The following POLR3E variants were observed in gnomAD, a reference collection of about 807,000 sequenced individuals.
The protein encoded by POLR3E is DNA-directed RNA polymerase III subunit RPC5.
POLR3E carries 41 observed loss-of-function variants against 96.6 expected under a neutral mutation model. That is an observed-to-expected ratio of 0.42 (90% CI 0.33 to 0.55). The LOEUF is 0.55. Ranked by LOEUF, POLR3E falls within the 20% of genes least tolerant of loss-of-function variation. The pLI, the probability that POLR3E is intolerant of heterozygous loss-of-function variation, is 0.06. For missense variants in POLR3E, 849 were observed against 952.1 expected (o/e 0.89, Z 1.43); for synonymous variants, 396 against 383.6 (o/e 1.03, Z -0.38).
chr16:22,324,070 C>T (rs936189892), intron 14 of POLR3E, among the ~76,000 whole-genome samples: 6 of 142,794 alleles, frequency 4.2e-5, no homozygotes, highest in Admixed American at 6.7e-5. Flanking sequence ...ATCGTATCCT[C>T]GGAGCTGGGC....
chr16:22,305,629 G>C (rs1378480844), intron 3 of POLR3E: 5 of 371,686 alleles, frequency 1.3e-5, no homozygotes, highest in Non-Finnish European at 2.6e-5. Context: ...CTGGCAGAGA[G>C]TTGGTGCCAG....
chr16:22,325,223 T>C lies in POLR3E; in HGVS notation c.1305T>C (p.Asn435=). ...TTTTCAGACTGGAAAAAGTCTATAATCTTGTAAAGGAAACCATGCCAAAGA... is the reference window on the plus strand; with the variant it reads ...TTTTCAGACTGGAAAAAGTCTATAACCTTGTAAAGGAAACCATGCCAAAGA... ...GIQAKLEKVY[N]LVKETMPKKP... The change falls in exon 17 of 21, where the codon AAT becomes AAC. Residue 435 remains asparagine (N), a synonymous_variant. Transcript: ENST00000299853. 2 of 1,613,582 alleles carry C rather than the reference T, an allele frequency of 1.2e-6. No homozygotes were observed. Among genetic ancestry groups the C allele is most frequent in the Middle Eastern group, 1.6e-4 (1 of 6,062 alleles).
chr16:22,317,661 TG>T (rs756433702), intron 12 of POLR3E, among the ~76,000 whole-genome samples: 2 of 150,530 alleles, frequency 1.3e-5, no homozygotes, highest in Non-Finnish European at 2.9e-5. Context: ...TTGTTGTTGT[TG>T]TTGTTTTTTT....
In POLR3E at chr16:22,308,155, T is replaced by G; in HGVS notation, c.95T>G (p.Val32Gly). The change falls in exon 4 of 21, where the codon GTG becomes GGG. Residue 32 changes from valine (V) to glycine (G), a missense_variant. Coordinates refer to ENST00000299853, the MANE Select transcript of POLR3E (RefSeq NM_018119.4). Reference protein sequence around the residue: ...AEKLYLFQYPVRPASMTYDDI... With the variant: ...AEKLYLFQYPGRPASMTYDDI... ...CTCCCTTCCCCTCCCCAGTACCCTGTGCGTCCAGCCTCGATGACCTACGAT... is the reference window on the plus strand; with the variant it reads ...CTCCCTTCCCCTCCCCAGTACCCTGGGCGTCCAGCCTCGATGACCTACGAT... The G allele has an allele frequency of 1.9e-6, 3 of 1,613,208 alleles. No individual in the cohort carries two copies. The highest frequency in any genetic ancestry group is 2.5e-6 in the Non-Finnish European group (3 of 1,179,274).
intron 8 of POLR3E, 126 bp from the exon 9 acceptor site, chr16:22,314,963 C>A: frequency 1.1e-6 from 1 of 948,972 alleles, no homozygotes; most frequent in Non-Finnish European, 1.5e-6. Flanking sequence ...ACGACCTGTG[C>A]TAGGAAAGGA....
chr16:22,318,275 G>T lies in POLR3E; in HGVS notation c.866-551G>T, dbSNP rs895903367. Among the ~76,000 whole-genome samples, 3 of 152,166 alleles carry T rather than the reference G, an allele frequency of 2.0e-5. No individual in the cohort carries two copies. The highest frequency in any genetic ancestry group is 4.4e-5 in the Non-Finnish European group (3 of 68,032). ...CGCCCAGCTAATTTTTGTATTTTTA[G>T]TAGAGATGGGGTTTCGCCTTGTTGG... On this transcript the variant is annotated intron_variant, in intron 12 of 20. Coordinates refer to ENST00000299853, the MANE Select transcript of POLR3E (RefSeq NM_018119.4). This position sits in a 1 kb window ranked among gnomAD's most constrained non-coding sequence, Gnocchi z 5.0.
intron 1 of POLR3E, among the ~76,000 whole-genome samples, chr16:22,301,177 A>G (rs1285296619): frequency 6.6e-6 from 1 of 152,112 alleles, no homozygotes; most frequent in Non-Finnish European, 1.5e-5. Context: ...AGCAGCTACA[A>G]AGCCCCAGAA....
chr16:22,312,419 C>T (rs1194030501), intron 6 of POLR3E, among the ~76,000 whole-genome samples: 1 of 152,102 alleles, frequency 6.6e-6, no homozygotes, highest in Non-Finnish European at 1.5e-5. Flanking sequence ...ATCGCTTGAA[C>T]TCAGGAGGCG....
chr16:22,314,460 C>T (rs2926355), intron 8 of POLR3E, among the ~76,000 whole-genome samples: 144,340 of 152,272 alleles, frequency 0.95, 68,612 homozygotes, highest in Non-Finnish European at 1. Flanking sequence ...GTGATTCTAT[C>T]CTCTTTATGG....
chr16:22,316,647 C>G lies in POLR3E; in HGVS notation c.689C>G (p.Ser230Ter), dbSNP rs768173463. ...HERQYLLCPG[S>*]SGVENTELVK... ...CGTCAGTACCTGCTGTGCCCCGGCT[C>G]AAGCGGGGTGGAGAACACGGAGCTC... Residue 230 changes from serine to a stop codon, truncating the protein, a stop_gained, in exon 10 of 21, where the codon TCA (serine) becomes TGA (stop). Coordinates refer to ENST00000299853, the MANE Select transcript of POLR3E (RefSeq NM_018119.4). LOFTEE classifies it high-confidence loss of function. 1.2e-6 allele frequency: 2 copies of G among 1,614,062 alleles called. No individual in the cohort carries two copies. Among genetic ancestry groups the G allele is most frequent in the Non-Finnish European group, 1.7e-6 (2 of 1,179,948 alleles).
At position 22,309,310 on chromosome 16, in the gene POLR3E, G is replaced by A. The variant is rs544891502; in HGVS notation, c.282-118G>A. 64 of 837,064 alleles carry A rather than the reference G, an allele frequency of 7.6e-5. 1 individual carries two copies. The highest frequency in any genetic ancestry group is 7.0e-4 in the South Asian group (51 of 72,694). 51.9% of individuals were successfully genotyped at this position (837,064 alleles called of 1,614,324 possible). ...CTGAGACCCGCGTAGGCTGCCCTGC[G>A]GCCTTGGTCCCTGGCTGTGGCACTT... On this transcript the variant is annotated intron_variant, in intron 5 of 20. Coordinates refer to ENST00000299853, the MANE Select transcript of POLR3E (RefSeq NM_018119.4).
intron 20 of POLR3E, 81 bp downstream of exon 20, chr16:22,332,266 T>C (rs1393889423): frequency 3.0e-6 from 4 of 1,323,880 alleles, no homozygotes; most frequent in Non-Finnish European, 4.2e-6. Context: ...TCTAGTGTCT[T>C]TGTGTATATG....
At chr16:22,305,090 GGCA>G in intron 2 of POLR3E, 63 bp from the exon 3 acceptor site, 1 of 1,277,580 alleles carries the variant, frequency 7.8e-7, no homozygotes, top group South Asian at 1.2e-5. Flanking sequence ...TGGAAGCGCT[GGCA>G]TAGCCCGGGG....
intron 19 of POLR3E, among the ~76,000 whole-genome samples, chr16:22,330,790 A>T (rs1209230577): frequency 6.6e-6 from 1 of 151,032 alleles, no homozygotes; most frequent in Non-Finnish European, 1.5e-5. Flanking sequence ...TTCATGTAGC[A>T]GTCAGCTGTT....
Position 22,325,790 on chromosome 16 carries a change from C to T in POLR3E, c.1378C>T (p.Arg460Trp), listed in dbSNP as rs757015119. ...TGCCGGGCTGGTCTGTGGGGACCAG[C>T]GGATCCAAGTAGCCAAAACCAAGGC... is the stretch of plus-strand genomic sequence containing the variant. ...GPAGLVCGDQRIQVAKTKAQQ... is the reference protein window; with the variant it reads ...GPAGLVCGDQWIQVAKTKAQQ... Residue 460 changes from arginine (R) to tryptophan (W), a missense_variant, in exon 18 of 21, where the codon CGG becomes TGG. By Grantham distance (101) the Arg-to-Trp change is moderately radical. Coordinates refer to ENST00000299853, the MANE Select transcript of POLR3E (RefSeq NM_018119.4). 25 of 1,590,332 alleles carry T rather than the reference C, an allele frequency of 1.6e-5. No homozygotes were observed. The highest frequency in any genetic ancestry group is 2.7e-5 in the African/African-American group (2 of 74,632).
Position 22,309,477 on chromosome 16 carries a change from A to G in POLR3E, c.331A>G (p.Thr111Ala), listed in dbSNP as rs1348574377. The change falls in exon 6 of 21, where the codon ACA becomes GCA. Residue 111 changes from threonine (T) to alanine (A), a missense_variant. Coordinates refer to ENST00000299853, the MANE Select transcript of POLR3E (RefSeq NM_018119.4). ...CTGCTCTTCCCAGACCACCAGTAAC[A>G]CATCCCGTTATGCCGCTGCACTCTA... ...TFCSSQTTSN[T>A]SRYAAALYRQ... 1 of 1,613,666 alleles carries G rather than the reference A, an allele frequency of 6.2e-7. No homozygotes were observed. Among genetic ancestry groups the G allele is most frequent in the East Asian group, 2.2e-5 (1 of 44,854 alleles).
At chr16:22,298,138 G>C (rs1388987349) in intron 1 of POLR3E, among the ~76,000 whole-genome samples, 1 of 152,232 alleles carries the variant, frequency 6.6e-6, no homozygotes, top group South Asian at 2.1e-4. Flanking sequence ...CATTCGGTCC[G>C]AGGAGGTGTC....
At chr16:22,317,891 C>G (rs749314285) in intron 12 of POLR3E, among the ~76,000 whole-genome samples, 5 of 151,922 alleles carry the variant, frequency 3.3e-5, no homozygotes, top group Non-Finnish European at 5.9e-5. Context: ...AAGGACTGGT[C>G]TCCTTTTCTC....
chr16:22,313,967 C>A lies in POLR3E; in HGVS notation c.473-112C>A, dbSNP rs2048301138. 3.2e-6 allele frequency: 3 copies of A among 943,818 alleles called. No individual in the cohort carries two copies. Among genetic ancestry groups the A allele is most frequent in the African/African-American group, 3.2e-5 (2 of 62,024 alleles). 58.5% of individuals were successfully genotyped at this position (943,818 alleles called of 1,614,324 possible). On this transcript the variant is annotated intron_variant, in intron 7 of 20. Transcript: ENST00000299853. This position sits in a 1 kb window ranked among gnomAD's most constrained non-coding sequence, Gnocchi z 4.1. ...GAACCACTGGCTTAGGCAGCTCCCT[C>A]TGCGAGGAGAACTCCCAGCACCCCG...
Sources: gnomAD v4.1 joint callset for allele counts (sites outside exome capture counted in the v4.1 genomes callset) on GRCh38, gnomAD v4.1.1 for gene constraint, Gnocchi (gnomAD v3.1) non-coding constraint, MANE v1.5 for transcripts, NCBI Gene and HGNC (gene_info 2026-07-23, HGNC 2026-07-21) for gene names.